FAM118A: variants seen among roughly 807,000 people sequenced by gnomAD.
The protein encoded by FAM118A is SIR2 antiphage like 2, also known as protein FAM118A.
In FAM118A, 25 loss-of-function variants were observed where a neutral mutation model predicts 38.2. The observed-to-expected ratio is 0.65, with a 90% CI of 0.48 to 0.91. The LOEUF (loss-of-function observed/expected upper bound fraction) is 0.91, where lower values mean the gene tolerates loss of function less well. Ranked by LOEUF, FAM118A falls within the 40% of genes least tolerant of loss-of-function variation. The pLI is 0.00. For missense variants in FAM118A, 425 were observed against 463.3 expected, an observed-to-expected ratio of 0.92 and a Z score of 0.76; for synonymous variants, 178 against 184.1, an observed-to-expected ratio of 0.97 and a Z score of 0.27.
At chr22:45,330,159 C>A (rs2085601256) in intron 4 of FAM118A, among the ~76,000 whole-genome samples, 1 of 152,214 alleles carries the variant, frequency 6.6e-6, no homozygotes, top group South Asian at 2.1e-4. Flanking sequence ...TTGCTGTAAC[C>A]TCAAGTGTTA....
Position 45,336,401 on chromosome 22 carries a change from A to T in FAM118A, c.1044A>T (p.Gln348His), listed in dbSNP as rs763870545. The T allele has an allele frequency of 5.0e-6, 8 of 1,613,324 alleles. No individual in the cohort carries two copies. The stretch of plus-strand genomic sequence containing the variant: ...TTGAAGTTTCAAAAAAACGCACACA[A>T]TCAGATACTGGTATTGTGTCTGTTC... The part of the protein sequence containing the change: ...NGIEVSKKRT[Q>H]SDTDDAGGS Residue 348 changes from glutamine to histidine, a missense_variant, in exon 8 of 9, where the codon CAA becomes CAT. By Grantham distance (24) the Gln-to-His change is conservative. Coordinates refer to ENST00000441876, the MANE Select transcript of FAM118A (RefSeq NM_017911.4).
At position 45,335,425 on chromosome 22, in the gene FAM118A, A is replaced by G. The variant is rs1244932563; in HGVS notation, c.970+43A>G. On this transcript the variant is annotated intron_variant, in intron 7 of 8. Coordinates refer to ENST00000441876, the MANE Select transcript of FAM118A (RefSeq NM_017911.4). ...TCTTGCCAGCCTGTTTTTTGCCTAC[A>G]CATTCCATTGTCTTCTGTCACTAAC... 5 of 1,608,492 alleles carry G rather than the reference A, an allele frequency of 3.1e-6. No homozygotes were observed. The East Asian group carries it at 6.7e-5, about 22-fold the overall frequency.
At chr22:45,324,281 C>A (rs552299925) in intron 3 of FAM118A, among the ~76,000 whole-genome samples, 1 of 152,342 alleles carries the variant, frequency 6.6e-6, no homozygotes, top group African/African-American at 2.4e-5. Flanking sequence ...CCAAGGAGAA[C>A]ATGGTGGCCG....
chr22:45,310,744 T>G (rs1226959549), intron 1 of FAM118A, among the ~76,000 whole-genome samples: 1 of 152,092 alleles, frequency 6.6e-6, no homozygotes, highest in Admixed American at 6.5e-5. Flanking sequence ...CGCCTGCAGG[T>G]GCAGGGCCGG....
chr22:45,328,775 C>T (rs1406623915), intron 4 of FAM118A: 2 of 314,026 alleles, frequency 6.4e-6, no homozygotes, highest in Non-Finnish European at 1.2e-5. Context: ...GAGACCCTGT[C>T]TCAAAAAACA....
intron 3 of FAM118A, among the ~76,000 whole-genome samples, chr22:45,326,610 T>C (rs1193320678): frequency 6.6e-6 from 1 of 152,072 alleles, no homozygotes; most frequent in Non-Finnish European, 1.5e-5. Flanking sequence ...GTGGATCACC[T>C]GAGGTCAGGA....
At chr22:45,317,897 C>T (rs1049622844) in intron 1 of FAM118A, among the ~76,000 whole-genome samples, 3 of 152,082 alleles carry the variant, frequency 2.0e-5, no homozygotes, top group Non-Finnish European at 4.4e-5. Flanking sequence ...TCCCATTTGC[C>T]GATATCTCAG....
At chr22:45,320,980 CAGTA>C in intron 1 of FAM118A, among the ~76,000 whole-genome samples, 1 of 152,294 alleles carries the variant, frequency 6.6e-6, no homozygotes, top group African/African-American at 2.4e-5. Context: ...AGACATGTGT[CAGTA>C]AGAGAGAATT....
At chr22:45,315,467 G>A (rs1356532593) in intron 1 of FAM118A, among the ~76,000 whole-genome samples, 2 of 152,224 alleles carry the variant, frequency 1.3e-5, no homozygotes, top group Admixed American at 6.5e-5. Context: ...TGCCTTGGAA[G>A]AGTGGTGCTA....
chr22:45,341,196 G>C lies in FAM118A; in HGVS notation c.*791G>C, dbSNP rs985949799. 4 of 152,206 alleles carry C rather than the reference G, an allele frequency of 2.6e-5. No homozygotes were observed. Among genetic ancestry groups the C allele is most frequent in the Non-Finnish European group, 5.9e-5 (4 of 68,028 alleles). 9.4% of individuals were successfully genotyped at this position (152,206 alleles called of 1,614,324 possible). ...TAAAGGTCCACTGTTAAATAGTAAAGAATGAATCCGCTAGCGAAAATGTTT... is the reference window on the plus strand; with the variant it reads ...TAAAGGTCCACTGTTAAATAGTAAACAATGAATCCGCTAGCGAAAATGTTT... On this transcript the variant is annotated 3_prime_UTR_variant, in exon 9 of 9. Transcript: ENST00000441876.
At chr22:45,329,455 G>A (rs2085545720) in intron 4 of FAM118A, 1 of 152,202 alleles carries the variant, frequency 6.6e-6, no homozygotes, top group African/African-American at 2.4e-5. Context: ...TTGATTTCTT[G>A]TGTTACTAAA....
At chr22:45,320,532 G>T (rs1445744981) in intron 1 of FAM118A, among the ~76,000 whole-genome samples, 1 of 151,794 alleles carries the variant, frequency 6.6e-6, no homozygotes, top group Non-Finnish European at 1.5e-5. Context: ...AACCTCCTGG[G>T]CTCAGGTGAT....
intron 5 of FAM118A, 161 bp downstream of exon 5, chr22:45,330,892 C>A: frequency 1.5e-6 from 1 of 670,958 alleles, no homozygotes; most frequent in Non-Finnish European, 2.1e-6. Context: ...CTCTTGTCCT[C>A]GTCTGTGTCT....
At chr22:45,320,474 C>A (rs887974844) in intron 1 of FAM118A, among the ~76,000 whole-genome samples, 16 of 149,472 alleles carry the variant, frequency 1.1e-4, no homozygotes, top group Admixed American at 2.7e-4. Flanking sequence ...TCTCACTCTG[C>A]GACCCAGGCT....
At chr22:45,325,253 T>C (rs2085178837) in intron 3 of FAM118A, among the ~76,000 whole-genome samples, 1 of 152,188 alleles carries the variant, frequency 6.6e-6, no homozygotes. Flanking sequence ...ATCATTCAAC[T>C]CTTCTGTTCA....
chr22:45,326,779 C>G (rs1450586494), intron 3 of FAM118A, among the ~76,000 whole-genome samples: 3 of 142,326 alleles, frequency 2.1e-5, no homozygotes, highest in African/African-American at 5.3e-5. Context: ...GAGCCAAGAT[C>G]ACGCCACTGC....
intron 1 of FAM118A, among the ~76,000 whole-genome samples, chr22:45,310,582 G>A (rs2084320316): frequency 6.6e-6 from 1 of 152,140 alleles, no homozygotes; most frequent in Non-Finnish European, 1.5e-5. Context: ...CGCCCACCCT[G>A]AGGCTCCCTC....
intron 1 of FAM118A, chr22:45,322,060 A>G (rs574573635): frequency 3.2e-5 from 18 of 567,414 alleles, no homozygotes; most frequent in Non-Finnish European, 4.6e-5. Flanking sequence ...CCCAAGAGAC[A>G]GCGAAAACCC....
chr22:45,316,935 C>T (rs1316587001), intron 1 of FAM118A, among the ~76,000 whole-genome samples: 1 of 152,170 alleles, frequency 6.6e-6, no homozygotes, highest in Non-Finnish European at 1.5e-5. Flanking sequence ...AATGTGACAC[C>T]ACTCACTCCT....
Sources: gnomAD v4.1 joint callset for allele counts (sites outside exome capture counted in the v4.1 genomes callset) on GRCh38, gnomAD v4.1.1 for gene constraint, MANE v1.5 for transcripts, NCBI Gene and HGNC (gene_info 2026-07-23, HGNC 2026-07-21) for gene names.